Variants in DYNC2LI1 observed in about 807,000 individuals in gnomAD.
The protein encoded by DYNC2LI1 is dynein cytoplasmic 2 light intermediate chain 1, also known as cytoplasmic dynein 2 light intermediate chain 1.
DYNC2LI1 carries 45 observed loss-of-function variants against 51.9 expected under a neutral mutation model. That is an observed-to-expected ratio of 0.87 (90% CI 0.68 to 1.11). The LOEUF is 1.11. Among genes scored for constraint, DYNC2LI1 ranks in the 50% most tolerant of loss-of-function variants. The pLI is 0.00. For missense variants in DYNC2LI1, 490 were observed against 417.4 expected (o/e 1.17, Z -1.51); for synonymous variants, 130 against 137.8 (o/e 0.94, Z 0.40).
Position 43,807,743 on chromosome 2 carries a change from C to CAA in DYNC2LI1, c.994-1933_994-1932dup, listed in dbSNP as rs536977133. Among the ~76,000 whole-genome samples the CAA allele has an allele frequency of 4.8e-3, 198 of 41,646 alleles. 7 individuals are homozygous for CAA. Among genetic ancestry groups the CAA allele is most frequent in the Middle Eastern group, 0.026 (1 of 38 alleles). The allele number at this position is 41,646 out of a possible 152,430, so 27.3% of individuals were successfully genotyped here. On this transcript the variant is annotated intron_variant, in intron 12 of 12. Transcript: ENST00000260605. Reference sequence around the variant, plus strand: ...TTCTTTTCTATTATTTTTGTTAAAGCAAAAAAAAAAAAAAAAAAAAAAAAA... The same window carrying CAA: ...TTCTTTTCTATTATTTTTGTTAAAGCAAAAAAAAAAAAAAAAAAAAAAAAAAA...
the DYNC2LI1 span, chr2:43,822,367 C>A: frequency 4.1e-6 from 1 of 241,610 alleles, no homozygotes; most frequent in East Asian, 1.8e-4. Context: ...GCTTCTCTTT[C>A]TACCTCCCTG....
At chr2:43,782,889 C>T (rs542188663) in intron 2 of DYNC2LI1, among the ~76,000 whole-genome samples, 42 of 152,056 alleles carry the variant, frequency 2.8e-4, no homozygotes, top group African/African-American at 6.5e-4. Flanking sequence ...GGGTGAGGCA[C>T]GAGAATCACT....
rs188518978 is a variant in DYNC2LI1, at chr2:43,796,908, C to T, written c.654+113C>T. ...ATGCTTTTGCTAATGCACATGGTCCCGTTGCTTTCCCACTGCTGAAGACCT... is the reference window on the plus strand; with the variant it reads ...ATGCTTTTGCTAATGCACATGGTCCTGTTGCTTTCCCACTGCTGAAGACCT... On this transcript the variant is annotated intron_variant, in intron 8 of 12. Transcript: ENST00000260605. The T allele has an allele frequency of 4.2e-5, 33 of 779,862 alleles. No individual in the cohort carries two copies. The Admixed American group carries it at 5.7e-4, about 13-fold the overall frequency. 48.3% of individuals were successfully genotyped at this position (779,862 alleles called of 1,614,324 possible). A position where few individuals can be genotyped will look rare whatever the true frequency, so the allele number is the denominator to read the frequency against.
chr2:43,824,754 T>C, the DYNC2LI1 span: 2 of 1,464,428 alleles, frequency 1.4e-6, no homozygotes, highest in African/African-American at 1.4e-5. Context: ...CCGGCCAAAT[T>C]GATTCCTTGA....
chr2:43,805,854 C>T (rs1019267003), intron 12 of DYNC2LI1, among the ~76,000 whole-genome samples: 3 of 151,976 alleles, frequency 2.0e-5, no homozygotes, highest in Non-Finnish European at 2.9e-5. Context: ...TTCACCATCA[C>T]TCAAATACTT....
At chr2:43,798,422 G>A (rs1665961913) in intron 8 of DYNC2LI1, among the ~76,000 whole-genome samples, 1 of 151,520 alleles carries the variant, frequency 6.6e-6, no homozygotes, top group Non-Finnish European at 1.5e-5. Flanking sequence ...AGGATATGGG[G>A]AATTTAAAGT....
the DYNC2LI1 span, chr2:43,823,830 A>G: frequency 6.6e-7 from 1 of 1,507,126 alleles, no homozygotes. Flanking sequence ...AACCCTTATA[A>G]TGGTAGACTT....
chr2:43,796,959 A>G (rs1277503715), intron 8 of DYNC2LI1, among the ~76,000 whole-genome samples, 164 bp downstream of exon 8: 1 of 152,226 alleles, frequency 6.6e-6, no homozygotes, highest in African/African-American at 2.4e-5. Context: ...TTGATAATGC[A>G]TCTGTTGAAC....
At chr2:43,785,423 A>G (rs1673479662) in intron 3 of DYNC2LI1, among the ~76,000 whole-genome samples, 1 of 151,820 alleles carries the variant, frequency 6.6e-6, no homozygotes, top group South Asian at 2.1e-4. Flanking sequence ...AAGTTAAATG[A>G]GCCAGAAACA....
chr2:43,791,331 C>G (rs1373916087), intron 5 of DYNC2LI1, among the ~76,000 whole-genome samples: 4 of 152,146 alleles, frequency 2.6e-5, no homozygotes, highest in Non-Finnish European at 4.4e-5. Flanking sequence ...TGGGAGTCGC[C>G]TCCTATTCAA....
At chr2:43,816,313 A>T in the DYNC2LI1 span, among the ~76,000 whole-genome samples, 61,364 of 152,010 alleles carry the variant, frequency 0.4, 13,681 homozygotes, top group African/African-American at 0.59. Context: ...AATCTATTAC[A>T]GCAAAGGAAG....
At chr2:43,783,895 T>G (rs929632872) in intron 3 of DYNC2LI1, among the ~76,000 whole-genome samples, 5 of 152,228 alleles carry the variant, frequency 3.3e-5, no homozygotes, top group Admixed American at 3.3e-4. Context: ...ACATTCATTG[T>G]AAGCTTTAGT....
At chr2:43,825,493 G>C in the DYNC2LI1 span, among the ~76,000 whole-genome samples, 1 of 152,208 alleles carries the variant, frequency 6.6e-6, no homozygotes, top group African/African-American at 2.4e-5. Flanking sequence ...AAATCAGTAT[G>C]ATTTCGTGGA....
chr2:43,789,436 C>T (rs1337380025), intron 4 of DYNC2LI1, among the ~76,000 whole-genome samples, 197 bp from the exon 5 acceptor site: 1 of 152,064 alleles, frequency 6.6e-6, no homozygotes, highest in Non-Finnish European at 1.5e-5. Context: ...ATAAACAATT[C>T]TGAATAGTTC....
At chr2:43,783,409 A>G (rs1673383634) in intron 2 of DYNC2LI1, 111 bp from the exon 3 acceptor site, 2 of 837,246 alleles carry the variant, frequency 2.4e-6, no homozygotes, top group East Asian at 5.7e-5. Context: ...TTTCCAGGTA[A>G]TTTATCATTC....
Position 43,789,575 on chromosome 2 carries a change from G to T in DYNC2LI1, c.232-58G>T, listed in dbSNP as rs557553902. ...GTATGTATAATTATTACTGGGAAGT[G>T]CTAATGACATATAAGAAGTACTTAA... On this transcript the variant is annotated intron_variant, in intron 4 of 12. Transcript: ENST00000260605. 1.5e-5 allele frequency: 20 copies of T among 1,332,686 alleles called. No individual in the cohort carries two copies. In the African/African-American group the frequency reaches 2.9e-4, roughly 19 times the overall value. The allele number at this position is 1,332,686 out of a possible 1,614,324, so 82.6% of individuals were successfully genotyped here.
chr2:43,817,015 G>A, the DYNC2LI1 span, among the ~76,000 whole-genome samples: 1 of 152,204 alleles, frequency 6.6e-6, no homozygotes, highest in Non-Finnish European at 1.5e-5. Context: ...CACCCAGAAA[G>A]ATGATGACTG....
intron 5 of DYNC2LI1, among the ~76,000 whole-genome samples, chr2:43,792,116 A>G (rs1673819699): frequency 6.6e-6 from 1 of 152,144 alleles, no homozygotes; most frequent in Admixed American, 6.5e-5. Flanking sequence ...AAATTAGTAC[A>G]ATTAAAAATG....
the DYNC2LI1 span, among the ~76,000 whole-genome samples, chr2:43,817,446 T>C: frequency 4.7e-5 from 7 of 149,496 alleles, no homozygotes; most frequent in East Asian, 6.1e-4. Context: ...GATCGTGCCA[T>C]TGCATTCCAG....
Sources: gnomAD v4.1 joint callset for allele counts (sites outside exome capture counted in the v4.1 genomes callset) on GRCh38, gnomAD v4.1.1 for gene constraint, MANE v1.5 for transcripts, NCBI Gene and HGNC (gene_info 2026-07-23, HGNC 2026-07-21) for gene names.